The following SERPINA3 variants were observed in gnomAD, a reference collection of about 807,000 sequenced individuals.
SERPINA3 encodes serpin family A member 3.
Under a neutral mutation model 26.8 loss-of-function variants are expected in SERPINA3, and 32 were observed. The ratio of observed to expected loss-of-function variants is 1.20; its 90% confidence interval spans 0.90 to 1.61. The LOEUF (loss-of-function observed/expected upper bound fraction) is 1.61, where lower values mean the gene tolerates loss of function less well. Among genes scored for constraint, SERPINA3 ranks in the 40% most tolerant of loss-of-function variants. SERPINA3 has a pLI of 0.00. For synonymous variants in SERPINA3, 252 were observed against 206.4 expected, an observed-to-expected ratio of 1.22 and a Z score of -1.89; for missense variants, 632 against 517.9, an observed-to-expected ratio of 1.22 and a Z score of -2.14.
intron 2 of SERPINA3, chr14:94,618,401 G>C (rs761565138): frequency 6.6e-6 from 1 of 152,222 alleles, no homozygotes; most frequent in South Asian, 2.1e-4. Flanking sequence ...GCAACACTGA[G>C]AGCCTAGGCA....
In SERPINA3 at chr14:94,614,816, C is replaced by T; in HGVS notation, c.375C>T (p.Thr125=). 2 of 1,614,176 alleles carry T rather than the reference C, an allele frequency of 1.2e-6. No individual in the cohort carries two copies. The highest frequency in any genetic ancestry group is 1.7e-6 in the Non-Finnish European group (2 of 1,180,038). ...AGAGCTTCCAGCACCTCCTGCGCACCCTCAATCAGTCCAGCGATGAGCTGC... is the reference window on the plus strand; with the variant it reads ...AGAGCTTCCAGCACCTCCTGCGCACTCTCAATCAGTCCAGCGATGAGCTGC... ...IHQSFQHLLR[T]LNQSSDELQL... Residue 125 remains threonine, a synonymous_variant, in exon 2 of 5, where the codon ACC becomes ACT. Coordinates refer to ENST00000393078, the MANE Select transcript of SERPINA3 (RefSeq NM_001085.5).
At chr14:94,613,475 G>A (rs1348136221) in intron 1 of SERPINA3, 1 of 152,192 alleles carries the variant, frequency 6.6e-6, no homozygotes, top group African/African-American at 2.4e-5. Context: ...TCAGGAAAGG[G>A]GTAGTATGGG....
intron 3 of SERPINA3, among the ~76,000 whole-genome samples, chr14:94,621,822 C>T (rs759866565): frequency 6.6e-6 from 1 of 152,204 alleles, no homozygotes; most frequent in Non-Finnish European, 1.5e-5. Flanking sequence ...TCACCCACCG[C>T]CCCGTGGAGC....
At chr14:94,622,762 A>T in intron 4 of SERPINA3, 2 of 499,600 alleles carry the variant, frequency 4.0e-6, no homozygotes, top group South Asian at 2.1e-5. Context: ...ACCATTTACT[A>T]TCCATGGGGG....
intron 2 of SERPINA3, chr14:94,618,976 A>C: frequency 1.6e-6 from 1 of 611,072 alleles, no homozygotes; most frequent in Non-Finnish European, 2.9e-6. Flanking sequence ...CTCATTTAGC[A>C]CAAGGAACTA....
At chr14:94,616,552 C>T (rs1318926750) in intron 2 of SERPINA3, among the ~76,000 whole-genome samples, 2 of 152,182 alleles carry the variant, frequency 1.3e-5, no homozygotes, top group Non-Finnish European at 1.5e-5. Context: ...TCCCTTTCTG[C>T]TCTTCCTCTT....
chr14:94,622,183 G>A (rs1341170419), intron 3 of SERPINA3, among the ~76,000 whole-genome samples, 158 bp from the exon 4 acceptor site: 1 of 152,194 alleles, frequency 6.6e-6, no homozygotes, highest in Admixed American at 6.5e-5. Flanking sequence ...AATAAGAAGA[G>A]TAAAGACAGG....
intron 3 of SERPINA3, among the ~76,000 whole-genome samples, chr14:94,621,721 G>T (rs1430355975): frequency 6.6e-6 from 1 of 151,848 alleles, no homozygotes; most frequent in Non-Finnish European, 1.5e-5. Context: ...AACACAATCA[G>T]ACTCTTCAGA....
chr14:94,623,983 C>T lies in SERPINA3; in HGVS notation c.*169C>T. ...CGATTCCCTGTGTAGCTCTCACATGCACAGGGGCCCATGGACTCTTCAGTC... is the reference window on the plus strand; with the variant it reads ...CGATTCCCTGTGTAGCTCTCACATGTACAGGGGCCCATGGACTCTTCAGTC... On this transcript the variant is annotated 3_prime_UTR_variant, in exon 5 of 5. Transcript: ENST00000393078. 1.4e-6 allele frequency: 1 copy of T among 690,044 alleles called. No individual in the cohort carries two copies. Among genetic ancestry groups the T allele is most frequent in the Non-Finnish European group, 2.6e-6 (1 of 383,096 alleles). The allele number at this position is 690,044 out of a possible 1,614,324, so 42.7% of individuals were successfully genotyped here.
Position 94,623,734 on chromosome 14 carries a change from C to G in SERPINA3, c.1192C>G (p.Pro398Ala). ...AAGGACCATTGTGCGTTTCAACAGGCCCTTCCTGATGATCATTGTCCCTAC... is the reference window on the plus strand; with the variant it reads ...AAGGACCATTGTGCGTTTCAACAGGGCCTTCCTGATGATCATTGTCCCTAC... ...ETRTIVRFNRPFLMIIVPTDT... is the reference protein window; with the variant it reads ...ETRTIVRFNRAFLMIIVPTDT... The change falls in exon 5 of 5, where the codon CCC becomes GCC. Residue 398 changes from proline (P) to alanine (A), a missense_variant. Pro to Ala is a conservative substitution (Grantham distance 27, BLOSUM62 -1). Transcript: ENST00000393078. 1 of 1,614,100 alleles carries G rather than the reference C, an allele frequency of 6.2e-7. No homozygotes were observed.
intron 3 of SERPINA3, 173 bp downstream of exon 3, chr14:94,619,641 T>A: frequency 2.7e-6 from 2 of 741,584 alleles, no homozygotes; most frequent in Non-Finnish European, 4.6e-6. Context: ...TTTTCTTCTT[T>A]AAGACAATGA....
Position 94,614,368 on chromosome 14 carries a change from A to G in SERPINA3, c.-8-66A>G, listed in dbSNP as rs563447939. Reference sequence around the variant, plus strand: ...AGGGACCAGGACGCAGGCTGGGTGGAGGGCAGTGGGAGGTGGTCGGGGCTC... The same window carrying G: ...AGGGACCAGGACGCAGGCTGGGTGGGGGGCAGTGGGAGGTGGTCGGGGCTC... On this transcript the variant is annotated intron_variant, in intron 1 of 4. Transcript: ENST00000393078. 7 of 1,512,050 alleles carry G rather than the reference A, an allele frequency of 4.6e-6. No individual in the cohort carries two copies. The African/African-American group carries it at 9.6e-5, about 21-fold the overall frequency. 93.7% of individuals were successfully genotyped at this position (1,512,050 alleles called of 1,614,324 possible). A position where few individuals can be genotyped will look rare whatever the true frequency, so the allele number is the denominator to read the frequency against.
intron 3 of SERPINA3, among the ~76,000 whole-genome samples, chr14:94,621,644 C>T (rs1392103027): frequency 1.3e-5 from 2 of 152,166 alleles, no homozygotes. Context: ...GCTTGAGGGA[C>T]AGTGCCCACT....
intron 4 of SERPINA3, among the ~76,000 whole-genome samples, chr14:94,623,103 C>A (rs8007632): frequency 6.6e-6 from 1 of 151,890 alleles, no homozygotes; most frequent in African/African-American, 2.4e-5. Context: ...GGAGCAGACC[C>A]GTATGGTTCA....
rs929299041 is a variant in SERPINA3, at chr14:94,614,643, G to T, written c.202G>T (p.Ala68Ser). 26 of 1,614,076 alleles carry T rather than the reference G, an allele frequency of 1.6e-5. No homozygotes were observed. Among genetic ancestry groups the T allele is most frequent in the Non-Finnish European group, 2.0e-5 (24 of 1,180,004 alleles). The change falls in exon 2 of 5, where the codon GCC (alanine) becomes TCC (serine). Residue 68 changes from alanine to serine, a missense_variant. Physicochemically the swap from Ala to Ser is moderately conservative, Grantham distance 99. Coordinates refer to ENST00000393078, the MANE Select transcript of SERPINA3 (RefSeq NM_001085.5). ...FSLYKQLVLK[A>S]PDKNVIFSPL... is the part of the protein sequence containing the mutation. ...CCTGTACAAGCAGTTAGTCCTGAAG[G>T]CCCCTGATAAGAATGTCATCTTCTC...
chr14:94,613,473 G>T (rs1278637456), intron 1 of SERPINA3: 1 of 152,218 alleles, frequency 6.6e-6, no homozygotes, highest in East Asian at 1.9e-4. Flanking sequence ...TTTCAGGAAA[G>T]GGGTAGTATG....
chr14:94,614,991 G>T lies in SERPINA3; in HGVS notation c.550G>T (p.Val184Leu). 6.2e-7 allele frequency: 1 copy of T among 1,614,046 alleles called. No homozygotes were observed. Among genetic ancestry groups the T allele is most frequent in the Non-Finnish European group, 8.5e-7 (1 of 1,179,898 alleles). ...AAAKKLINDYVKNGTRGKITD... is the reference protein window; with the variant it reads ...AAAKKLINDYLKNGTRGKITD... The stretch of plus-strand genomic sequence containing the variant: ...AGCTAAGAAGCTCATCAACGACTAC[G>T]TGAAGAATGGAACTAGGGGGAAAAT... Residue 184 changes from valine to leucine, a missense_variant, in exon 2 of 5, where the codon GTG (valine) becomes TTG (leucine). Val to Leu is a conservative substitution (Grantham distance 32, BLOSUM62 1). Coordinates refer to ENST00000393078, the MANE Select transcript of SERPINA3 (RefSeq NM_001085.5).
At chr14:94,620,339 C>T (rs1013285857) in intron 3 of SERPINA3, among the ~76,000 whole-genome samples, 8 of 152,152 alleles carry the variant, frequency 5.3e-5, no homozygotes, top group African/African-American at 1.9e-4. Flanking sequence ...TTGTCTTGAT[C>T]AGGGAGGATG....
rs1180346261 is a variant in SERPINA3 at position 94,614,417 on chromosome 14, G to T, written c.-8-17G>T. On this transcript the variant is annotated splice_polypyrimidine_tract_variant and intron_variant, in intron 1 of 4. Coordinates refer to ENST00000393078, the MANE Select transcript of SERPINA3 (RefSeq NM_001085.5). ...TCCATCTGGCCCTCTGAGACTTAAA[G>T]GAGCTTTGCTTTTCAGAGTTGAGAA... 1.2e-6 allele frequency: 2 copies of T among 1,610,660 alleles called. No individual in the cohort carries two copies. Among genetic ancestry groups the T allele is most frequent in the East Asian group, 4.5e-5 (2 of 44,876 alleles).
Sources: allele counts gnomAD v4.1 joint callset (sites outside exome capture counted in the v4.1 genomes callset), GRCh38; gene constraint gnomAD v4.1.1; transcripts MANE v1.5; gene names NCBI Gene and HGNC (gene_info 2026-07-23, HGNC 2026-07-21).